FAM228B: variants seen among roughly 807,000 people sequenced by gnomAD.
The protein encoded by FAM228B is protein FAM228B.
A neutral mutation model predicts 42.6 loss-of-function variants in FAM228B; 38 were observed. The observed-to-expected ratio is 0.89, with a 90% CI of 0.69 to 1.17. FAM228B has a LOEUF of 1.17. Ranked by LOEUF, FAM228B falls within the 50% of genes most tolerant of loss-of-function variation. The pLI is 0.00. For missense variants in FAM228B, 344 were observed against 367.3 expected (o/e 0.94, Z 0.52); for synonymous variants, 109 against 122.3 (o/e 0.89, Z 0.72).
At position 24,145,042 on chromosome 2, in the gene FAM228B, G is replaced by C. The variant is rs562455210; in HGVS notation, c.442-1706G>C. Among the ~76,000 whole-genome samples the C allele has an allele frequency of 2.2e-4, 34 of 152,288 alleles. No individual in the cohort carries two copies. In the South Asian group the frequency reaches 6.6e-3, roughly 30 times the overall value. ...CCGTGTGGACCACTCTGGAGACAAA[G>C]GGTTGTCTCGTCACTGCTACTGCCA... On this transcript the variant is annotated intron_variant, in intron 5 of 10. Coordinates refer to ENST00000615575, the MANE Select transcript of FAM228B (RefSeq NM_001145710.2).
At chr2:24,163,841 A>G (rs2151032304) in intron 8 of FAM228B, among the ~76,000 whole-genome samples, 1 of 152,314 alleles carries the variant, frequency 6.6e-6, no homozygotes, top group African/African-American at 2.4e-5. Context: ...CTCTTCCATG[A>G]ATAAGGGAAG....
intron 5 of FAM228B, among the ~76,000 whole-genome samples, chr2:24,141,494 T>C (rs989816117): frequency 6.6e-6 from 1 of 152,160 alleles, no homozygotes; most frequent in African/African-American, 2.4e-5. Flanking sequence ...TCCACCCGCC[T>C]CGACCTCCCA....
chr2:24,093,988 A>G (rs1340247073), intron 2 of FAM228B, among the ~76,000 whole-genome samples: 1 of 149,648 alleles, frequency 6.7e-6, no homozygotes, highest in Non-Finnish European at 1.5e-5. Flanking sequence ...GCTGGGTCAA[A>G]TGGTATTTCT....
At chr2:24,105,356 A>C (rs1040358145) in intron 3 of FAM228B, among the ~76,000 whole-genome samples, 5 of 152,220 alleles carry the variant, frequency 3.3e-5, no homozygotes, top group South Asian at 2.1e-4. Context: ...CTAGGAGTGG[A>C]CTAGAATTGA....
intron 2 of FAM228B, 109 bp downstream of exon 2, chr2:24,124,569 TTC>T (rs1222607188): frequency 1.5e-6 from 1 of 660,424 alleles, no homozygotes; most frequent in African/African-American, 1.8e-5. Flanking sequence ...TTTTATTTCA[TTC>T]TGTTTATTAT....
intron 7 of FAM228B, among the ~76,000 whole-genome samples, chr2:24,151,491 C>T (rs866881954): frequency 2.0e-5 from 3 of 151,892 alleles, no homozygotes; most frequent in Non-Finnish European, 4.4e-5. Flanking sequence ...GGGGTTTCAC[C>T]ATGTTGGCCA....
intron 7 of FAM228B, among the ~76,000 whole-genome samples, chr2:24,149,636 T>C (rs904951451): frequency 6.6e-6 from 1 of 152,184 alleles, no homozygotes; most frequent in Non-Finnish European, 1.5e-5. Flanking sequence ...TTTCACCATA[T>C]TGGTCAGGCT....
chr2:24,166,450 T>C (rs1366526624), intron 9 of FAM228B: 9 of 152,176 alleles, frequency 5.9e-5, no homozygotes, highest in Admixed American at 5.9e-4. Flanking sequence ...ACCTTTTCTT[T>C]TGTGTGTTTA....
intron 2 of FAM228B, among the ~76,000 whole-genome samples, chr2:24,086,413 T>G (rs2150989486): frequency 6.6e-6 from 1 of 152,206 alleles, no homozygotes; most frequent in Admixed American, 6.5e-5. Context: ...TTTTATAAAA[T>G]TTCAGGTTCT....
At chr2:24,117,445 T>TTC (rs1491363830) in intron 3 of FAM228B, among the ~76,000 whole-genome samples, 1 of 145,216 alleles carries the variant, frequency 6.9e-6, no homozygotes, top group African/African-American at 2.5e-5. Context: ...CTTCTTCTTC[T>TTC]TTTTTTTTTT....
chr2:24,149,891 A>G (rs1413250016), intron 7 of FAM228B, among the ~76,000 whole-genome samples: 5 of 152,196 alleles, frequency 3.3e-5, no homozygotes, highest in African/African-American at 1.2e-4. Context: ...TGCGGTTACC[A>G]TGAGGCTTGT....
At chr2:24,089,174 C>T (rs531313910) in intron 2 of FAM228B, among the ~76,000 whole-genome samples, 1 of 152,152 alleles carries the variant, frequency 6.6e-6, no homozygotes, top group African/African-American at 2.4e-5. Context: ...CATGATGAAA[C>T]CCCATCTCTA....
chr2:24,131,161 G>A (rs532773345), intron 2 of FAM228B, among the ~76,000 whole-genome samples: 1 of 152,062 alleles, frequency 6.6e-6, no homozygotes, highest in Non-Finnish European at 1.5e-5. Context: ...TATTTCTGAG[G>A]TCTCCATTCT....
chr2:24,131,490 C>T (rs1335607736), intron 2 of FAM228B, among the ~76,000 whole-genome samples: 1 of 152,164 alleles, frequency 6.6e-6, no homozygotes, highest in Middle Eastern at 3.2e-3. Context: ...TGTTTCTGTC[C>T]TCTCTTATTT....
intron 7 of FAM228B, among the ~76,000 whole-genome samples, chr2:24,160,799 T>G (rs1225208241): frequency 6.6e-6 from 1 of 152,200 alleles, no homozygotes; most frequent in Non-Finnish European, 1.5e-5. Flanking sequence ...ATTGGAGGAC[T>G]CTAAGATACC....
intron 5 of FAM228B, 123 bp downstream of exon 5, chr2:24,139,573 C>G: frequency 4.2e-6 from 2 of 476,024 alleles, no homozygotes; most frequent in Non-Finnish European, 7.4e-6. Flanking sequence ...GCATAGTTTC[C>G]CATCGCCTGA....
Position 24,077,751 on chromosome 2 carries a change from A to G in FAM228B, c.-290+782A>G. On this transcript the variant is annotated intron_variant, in intron 1 of 10. Coordinates refer to the FAM228B transcript ENST00000613899. This position sits in a 1 kb window ranked among gnomAD's most constrained non-coding sequence, Gnocchi z 5.5. ...TTGCTCCGTGAAAGCATTCACCAGC[A>G]TTTGCTTGTACTAAGACAAGGGAAA... is the stretch of plus-strand genomic sequence containing the variant. 1 of 1,613,456 alleles carries G rather than the reference A, an allele frequency of 6.2e-7. No individual in the cohort carries two copies. Among genetic ancestry groups the G allele is most frequent in the Non-Finnish European group, 8.5e-7 (1 of 1,179,588 alleles).
Position 24,135,326 on chromosome 2 carries a change from A to G in FAM228B, c.168+139A>G. The G allele has an allele frequency of 5.4e-6, 3 of 551,878 alleles. No homozygotes were observed. In the South Asian group the frequency reaches 7.9e-5, roughly 14 times the overall value. The allele number at this position is 551,878 out of a possible 1,614,324, so 34.2% of individuals were successfully genotyped here. A position where few individuals can be genotyped will look rare whatever the true frequency, so the allele number is the denominator to read the frequency against. ...GAACACTCCCTTGCACCTGGAATTA[A>G]CCTTAAGGGATCTCTGAAATTGCTC... On this transcript the variant is annotated intron_variant, in intron 3 of 10. Transcript: ENST00000615575.
chr2:24,102,609 G>T (rs1665628043), intron 3 of FAM228B, among the ~76,000 whole-genome samples: 1 of 152,100 alleles, frequency 6.6e-6, no homozygotes, highest in Non-Finnish European at 1.5e-5. Context: ...ATGGTGGCAG[G>T]TGCCTGTAGT....
Sources: allele counts gnomAD v4.1 joint callset (sites outside exome capture counted in the v4.1 genomes callset), GRCh38; gene constraint gnomAD v4.1.1; non-coding constraint Gnocchi (gnomAD v3.1); transcripts MANE v1.5; gene names NCBI Gene and HGNC (gene_info 2026-07-23, HGNC 2026-07-21).